Variants in SAMD5 observed in about 807,000 individuals in gnomAD.
The protein encoded by SAMD5 is sterile alpha motif domain-containing protein 5.
SAMD5 carries 13 observed loss-of-function variants against 11.3 expected under a neutral mutation model. The ratio of observed to expected loss-of-function variants is 1.15; its 90% CI spans 0.75 to 1.83. The LOEUF is 1.83. SAMD5 is among the 40% of genes most tolerant of loss of function. The pLI, the probability that SAMD5 is intolerant of heterozygous loss-of-function variation, is 0.00. For missense variants in SAMD5, 255 were observed against 239.1 expected, an observed-to-expected ratio of 1.07 and a Z score of -0.44; for synonymous variants, 129 against 111.3, an observed-to-expected ratio of 1.16 and a Z score of -1.00.
chr6:147,836,733 G>A, the SAMD5 span, among the ~76,000 whole-genome samples: 13 of 152,250 alleles, frequency 8.5e-5, no homozygotes, highest in South Asian at 1.2e-3. Context: ...TTTAAAACAC[G>A]TCTTCTCAAC....
At chr6:147,613,201 T>G (rs1187387215) in intron 1 of SAMD5, among the ~76,000 whole-genome samples, 1 of 152,010 alleles carries the variant, frequency 6.6e-6, no homozygotes, top group Non-Finnish European at 1.5e-5. Flanking sequence ...CATAGAAGCA[T>G]TTGTCCTATC....
At chr6:147,675,351 C>T (rs1790847623) in intron 1 of SAMD5, among the ~76,000 whole-genome samples, 1 of 152,162 alleles carries the variant, frequency 6.6e-6, no homozygotes, top group Non-Finnish European at 1.5e-5. Flanking sequence ...ATGTGAAGAA[C>T]CCATCCTGAA....
chr6:147,557,488 A>G (rs1007093082), intron 1 of SAMD5, among the ~76,000 whole-genome samples: 4 of 152,174 alleles, frequency 2.6e-5, no homozygotes, highest in African/African-American at 9.7e-5. Flanking sequence ...TCCAGCTTCC[A>G]GTGGCTTCTG....
At chr6:147,934,455 G>A in the SAMD5 span, among the ~76,000 whole-genome samples, 140 of 152,230 alleles carry the variant, frequency 9.2e-4, 1 homozygote, top group African/African-American at 3.2e-3. Context: ...CCCTGACTAG[G>A]TCAGGTGTGT....
chr6:147,596,837 A>C (rs1475307084), intron 1 of SAMD5, among the ~76,000 whole-genome samples: 2 of 152,182 alleles, frequency 1.3e-5, no homozygotes, highest in African/African-American at 4.8e-5. Context: ...GTTTGATTCT[A>C]TTTGGAAAAA....
At chr6:147,924,210 G>A in the SAMD5 span, among the ~76,000 whole-genome samples, 1 of 152,088 alleles carries the variant, frequency 6.6e-6, no homozygotes, top group Non-Finnish European at 1.5e-5. Context: ...GAACCTTAGG[G>A]CACTCACTCT....
Position 147,596,536 on chromosome 6 carries a change from G to A in SAMD5, c.162+87149G>A, listed in dbSNP as rs558042203. On this transcript the variant is annotated intron_variant, in intron 1 of 1. Transcript: ENST00000566741. ...ACAAATATATTTTTCAGAGAAAATG[G>A]GATTATCATTTGCTGTAAGATTGTC... Among the ~76,000 whole-genome samples, 6 of 152,090 alleles carry A rather than the reference G, an allele frequency of 3.9e-5. No homozygotes were observed. The South Asian group carries it at 1.0e-3, about 26-fold the overall frequency.
At chr6:147,645,814 G>C (rs1790387991) in intron 1 of SAMD5, among the ~76,000 whole-genome samples, 1 of 152,136 alleles carries the variant, frequency 6.6e-6, no homozygotes, top group Non-Finnish European at 1.5e-5. Flanking sequence ...CAGACCTTAA[G>C]ACTTGCTTTC....
the SAMD5 span, among the ~76,000 whole-genome samples, chr6:147,929,123 A>G: frequency 6.6e-6 from 1 of 152,152 alleles, no homozygotes; most frequent in Non-Finnish European, 1.5e-5. Flanking sequence ...CATATGTGTC[A>G]CAAAGAACCA....
chr6:147,598,297 G>A (rs979489154), intron 1 of SAMD5, among the ~76,000 whole-genome samples: 2 of 151,858 alleles, frequency 1.3e-5, no homozygotes, highest in Non-Finnish European at 2.9e-5. Flanking sequence ...GCTAATTTTT[G>A]TATTTTTTGT....
At chr6:147,811,091 A>C in the SAMD5 span, among the ~76,000 whole-genome samples, 4 of 152,194 alleles carry the variant, frequency 2.6e-5, no homozygotes, top group Non-Finnish European at 4.4e-5. Context: ...AATAACACCC[A>C]CCTGTGGGGT....
chr6:147,579,717 A>C (rs1789268994), intron 1 of SAMD5, among the ~76,000 whole-genome samples: 1 of 152,128 alleles, frequency 6.6e-6, no homozygotes, highest in South Asian at 2.1e-4. Flanking sequence ...TCGGCCTCCA[A>C]AAGTGCTGGG....
At chr6:147,699,997 G>A (rs1318200948) in intron 1 of SAMD5, among the ~76,000 whole-genome samples, 1 of 152,166 alleles carries the variant, frequency 6.6e-6, no homozygotes, top group Non-Finnish European at 1.5e-5. Context: ...GCCCTTCCAA[G>A]TTCAGTGCCA....
At chr6:147,639,776 G>A (rs1350347897) in intron 1 of SAMD5, among the ~76,000 whole-genome samples, 6 of 152,180 alleles carry the variant, frequency 3.9e-5, no homozygotes, top group Admixed American at 3.9e-4. Flanking sequence ...AGATTGATCA[G>A]TTTGAACATC....
Position 147,591,397 on chromosome 6 carries a change from G to C in SAMD5, c.162+82010G>C, listed in dbSNP as rs143275890. ...GGACCCTGCACCTGCTGGCGCTCAG[G>C]GAGTGTTCACTGAATTAAAGAGGGT... On this transcript the variant is annotated intron_variant, in intron 1 of 1. Coordinates refer to the SAMD5 transcript ENST00000566741. 6.0e-3 allele frequency among the ~76,000 whole-genome samples: 915 copies of C among 152,266 alleles called. 13 individuals are homozygous for C. Among genetic ancestry groups the C allele is most frequent in the African/African-American group, 0.021 (868 of 41,546 alleles).
intron 1 of SAMD5, among the ~76,000 whole-genome samples, chr6:147,697,036 G>A (rs765809868): frequency 3.3e-5 from 5 of 152,182 alleles, no homozygotes; most frequent in African/African-American, 4.8e-5. Flanking sequence ...CCACTTCCTC[G>A]TGTGCAGATG....
the SAMD5 span, among the ~76,000 whole-genome samples, chr6:147,870,459 T>TGG: frequency 8.2e-6 from 1 of 122,358 alleles, no homozygotes; most frequent in African/African-American, 3.0e-5. Context: ...AGTGTGTGTG[T>TGG]GTGTGTGTGT....
the SAMD5 span, among the ~76,000 whole-genome samples, chr6:147,896,193 A>C: frequency 6.6e-6 from 1 of 152,104 alleles, no homozygotes. Context: ...CTTGTCTTTT[A>C]ATTCAATTTG....
At position 147,523,613 on chromosome 6, in the gene SAMD5, G is replaced by C. The variant is rs1002372858; in HGVS notation, c.459+14226G>C. Among the ~76,000 whole-genome samples, 7 of 152,318 alleles carry C rather than the reference G, an allele frequency of 4.6e-5. No homozygotes were observed. The East Asian group carries it at 1.3e-3, about 29-fold the overall frequency. On this transcript the variant is annotated intron_variant, in intron 1 of 1. Coordinates refer to ENST00000367474, the MANE Select transcript of SAMD5 (RefSeq NM_001030060.3). ...ATTGACAAAAATAGTACTGTGTTAA[G>C]TAGCAGCAGTATTTTCATGGCCAGA... is the stretch of plus-strand genomic sequence containing the variant.
Sources: gnomAD v4.1 joint callset for allele counts (sites outside exome capture counted in the v4.1 genomes callset) on GRCh38, gnomAD v4.1.1 for gene constraint, MANE v1.5 for transcripts, NCBI Gene and HGNC (gene_info 2026-07-23, HGNC 2026-07-21) for gene names.